CCDC6: variants seen among roughly 807,000 people sequenced by gnomAD.
CCDC6 encodes the protein coiled-coil domain-containing protein 6.
A neutral mutation model predicts 56.6 loss-of-function variants in CCDC6; 20 were observed. The ratio of observed to expected loss-of-function variants is 0.35; its 90% CI spans 0.25 to 0.51. The LOEUF is 0.51. CCDC6 is among the 20% of genes least tolerant of loss of function. The pLI is 0.95. For synonymous variants in CCDC6, 241 were observed against 234.4 expected (o/e 1.03, Z -0.26); for missense variants, 367 against 601.1 (o/e 0.61, Z 4.07).
At position 59,834,921 on chromosome 10, in the gene CCDC6, G is replaced by A. The variant is rs778910291; in HGVS notation, c.454-2268C>T. Among the ~76,000 whole-genome samples the A allele has an allele frequency of 2.0e-4, 31 of 152,184 alleles. 1 individual carries two copies. Among genetic ancestry groups the A allele is most frequent in the Non-Finnish European group, 4.1e-4 (28 of 68,040 alleles). ...AATATAGCAAAGCATGTTCATCTGC[G>A]CCTAAGGCTTTCATTCAGTAAGCGT... On this transcript the variant is annotated intron_variant, in intron 2 of 8. Coordinates refer to ENST00000263102, the MANE Select transcript of CCDC6 (RefSeq NM_005436.5).
At chr10:59,862,562 T>TACAC (rs1360725553) in intron 1 of CCDC6, among the ~76,000 whole-genome samples, 11,583 of 99,944 alleles carry the variant, frequency 0.12, 915 homozygotes, top group Non-Finnish European at 0.17. Flanking sequence ...CACACATATA[T>TACAC]ATACACATAC....
intron 1 of CCDC6, among the ~76,000 whole-genome samples, chr10:59,887,185 C>T (rs931093547): frequency 2.0e-5 from 3 of 152,176 alleles, no homozygotes; most frequent in African/African-American, 7.2e-5. Context: ...TTCTGGCTCT[C>T]CTACTCTCTG....
chr10:59,900,355 A>G (rs1169145724), intron 1 of CCDC6, among the ~76,000 whole-genome samples: 1 of 152,198 alleles, frequency 6.6e-6, no homozygotes, highest in East Asian at 1.9e-4. Context: ...TCAACTGACA[A>G]GGTAGAAAAG....
At chr10:59,876,241 G>A (rs192473946) in intron 1 of CCDC6, among the ~76,000 whole-genome samples, 5 of 151,738 alleles carry the variant, frequency 3.3e-5, no homozygotes, top group South Asian at 4.2e-4. Context: ...TAGAGACGGG[G>A]TTTCTCCATG....
intron 1 of CCDC6, among the ~76,000 whole-genome samples, chr10:59,859,232 G>GTGTGTGTGTGTGTGTGTA (rs1554885879): frequency 6.6e-6 from 1 of 150,686 alleles, no homozygotes; most frequent in African/African-American, 2.4e-5. Flanking sequence ...GTGTGTGTGT[G>GTGTGTGTGTGTGTGTGTA]TGTGTATGAA....
intron 5 of CCDC6, 134 bp downstream of exon 5, chr10:59,812,501 A>T: frequency 3.5e-6 from 2 of 576,806 alleles, no homozygotes; most frequent in Non-Finnish European, 5.5e-6. Context: ...TGATGAACTT[A>T]AGTAAACATG....
At chr10:59,826,247 A>C (rs1349773948) in intron 3 of CCDC6, among the ~76,000 whole-genome samples, 1 of 152,124 alleles carries the variant, frequency 6.6e-6, no homozygotes, top group Non-Finnish European at 1.5e-5. Context: ...CAGGGAGTCA[A>C]CTTCAAATCT....
chr10:59,877,374 A>G (rs1337461689), intron 1 of CCDC6, among the ~76,000 whole-genome samples: 1 of 152,242 alleles, frequency 6.6e-6, no homozygotes, highest in Non-Finnish European at 1.5e-5. Context: ...CAGGAAATAG[A>G]AAGAAAATAA....
At chr10:59,869,317 A>G (rs1589055724) in intron 1 of CCDC6, among the ~76,000 whole-genome samples, 1 of 147,784 alleles carries the variant, frequency 6.8e-6, no homozygotes, top group East Asian at 2.0e-4. Context: ...CACCTCCAAC[A>G]TAATCGACCC....
intron 3 of CCDC6, among the ~76,000 whole-genome samples, chr10:59,817,227 C>T (rs1223498322): frequency 6.6e-6 from 1 of 152,216 alleles, no homozygotes; most frequent in African/African-American, 2.4e-5. Flanking sequence ...GTTGCCCAGG[C>T]TGGAGTGCAG....
rs1564756038 is a variant in CCDC6 at position 59,882,404 on chromosome 10, CAGGGGGAGAAGGAAAGGAAAGCCAG to C, written c.303+23693_303+23717del. Among the ~76,000 whole-genome samples the C allele has an allele frequency of 9.6e-3, 14 of 1,458 alleles. 1 individual carries two copies. The highest frequency in any genetic ancestry group is 0.03 in the African/African-American group (11 of 372). 1.0% of individuals were successfully genotyped at this position (1,458 alleles called of 152,430 possible). ...GCCGCGGGGAGAAGGAAAGGAAAGC[CAGGGGGAGAAGGAAAGGAAAGCCAG>C]GGGGAGAAGGAAAGGAAAGCCGGCG... On this transcript the variant is annotated intron_variant, in intron 1 of 8. Coordinates refer to ENST00000263102, the MANE Select transcript of CCDC6 (RefSeq NM_005436.5).
chr10:59,812,961 C>T (rs1053604811), intron 4 of CCDC6, among the ~76,000 whole-genome samples, 166 bp from the exon 5 acceptor site: 1 of 152,196 alleles, frequency 6.6e-6, no homozygotes, highest in Non-Finnish European at 1.5e-5. Context: ...TCTGCCCTTA[C>T]GTGGTGTCTC....
chr10:59,810,500 A>C (rs2070663731), intron 5 of CCDC6, among the ~76,000 whole-genome samples: 9 of 152,000 alleles, frequency 5.9e-5, no homozygotes. Context: ...GAGGAGGAAA[A>C]ATGCAAACTG....
intron 5 of CCDC6, among the ~76,000 whole-genome samples, chr10:59,812,078 AAAAAC>A (rs1454040128): frequency 1.9e-4 from 24 of 129,480 alleles, no homozygotes; most frequent in African/African-American, 6.8e-4. Flanking sequence ...AAAAAAAAAA[AAAAAC>A]CACAAATAGG....
At chr10:59,833,597 G>A (rs1256024963) in intron 2 of CCDC6, among the ~76,000 whole-genome samples, 1 of 124,492 alleles carries the variant, frequency 8.0e-6, no homozygotes, top group Admixed American at 1.1e-4. Context: ...ACTTGGGGAG[G>A]TTCTCATTAA....
intron 3 of CCDC6, among the ~76,000 whole-genome samples, chr10:59,818,214 G>A (rs1012047679): frequency 6.6e-6 from 1 of 152,060 alleles, no homozygotes; most frequent in African/African-American, 2.4e-5. Flanking sequence ...GGGAGTCTAT[G>A]AGCGATTTTG....
chr10:59,881,463 C>A (rs2071334479), intron 1 of CCDC6, among the ~76,000 whole-genome samples: 1 of 152,128 alleles, frequency 6.6e-6, no homozygotes, highest in Non-Finnish European at 1.5e-5. Flanking sequence ...CAATTATGCC[C>A]CTTTCCTCTC....
intron 1 of CCDC6, among the ~76,000 whole-genome samples, chr10:59,879,406 T>C (rs560419250): frequency 1.8e-4 from 27 of 152,304 alleles, no homozygotes; most frequent in African/African-American, 6.0e-4. Flanking sequence ...CAGGAGTTAA[T>C]CAGATGCTCA....
At chr10:59,830,231 C>T (rs544788935) in intron 3 of CCDC6, among the ~76,000 whole-genome samples, 10 of 152,268 alleles carry the variant, frequency 6.6e-5, no homozygotes, top group African/African-American at 2.4e-4. Context: ...CATGCCTTTG[C>T]TCTTCTGACA....
Sources: allele counts gnomAD v4.1 joint callset (sites outside exome capture counted in the v4.1 genomes callset), GRCh38; gene constraint gnomAD v4.1.1; transcripts MANE v1.5; gene names NCBI Gene and HGNC (gene_info 2026-07-23, HGNC 2026-07-21).